SYNRG: variants seen among roughly 807,000 people sequenced by gnomAD.
SYNRG encodes the protein synergin gamma.
SYNRG carries 37 observed loss-of-function variants against 130.9 expected under a neutral mutation model. The ratio of observed to expected loss-of-function variants is 0.28; its 90% confidence interval spans 0.22 to 0.37. SYNRG has a LOEUF of 0.37. SYNRG is among the 10% of genes least tolerant of loss of function. SYNRG has a pLI of 1.00. For missense variants in SYNRG, 1,338 were observed against 1,588.9 expected (o/e 0.84, Z 2.68); for synonymous variants, 539 against 568.1 (o/e 0.95, Z 0.73).
At chr17:37,541,867 A>G in intron 15 of SYNRG, 105 bp downstream of exon 15, 1 of 1,090,690 alleles carries the variant, frequency 9.2e-7, no homozygotes, top group Non-Finnish European at 1.3e-6. Context: ...GATTAGAACA[A>G]TCTATTTCCT....
chr17:37,519,875 C>T (rs1232045146), intron 21 of SYNRG, among the ~76,000 whole-genome samples: 1 of 152,198 alleles, frequency 6.6e-6, no homozygotes, highest in African/African-American at 2.4e-5. Flanking sequence ...CTTTGATCTC[C>T]ATCTGTGTGT....
chr17:37,546,799 T>C (rs2058315013), intron 14 of SYNRG, among the ~76,000 whole-genome samples: 2 of 152,190 alleles, frequency 1.3e-5, no homozygotes, highest in African/African-American at 4.8e-5. Flanking sequence ...GCAATAAAAA[T>C]GTTCATTGGA....
rs770373485 is a variant in SYNRG at position 37,536,068 on chromosome 17, C to T, written c.3577G>A (p.Val1193Met). The change falls in exon 19 of 22, where the codon GTG (valine) becomes ATG (methionine). Residue 1193 changes from valine (V) to methionine (M), a missense_variant. Coordinates refer to ENST00000612223, the MANE Select transcript of SYNRG (RefSeq NM_007247.6). Reference protein sequence around the residue: ...RVELGIKATAVCSEKLQQLLK... With the variant: ...RVELGIKATAMCSEKLQQLLK... ...AACTGCTGGAGTTTCTCACTGCACA[C>T]TGCAGTGGCTTTTATCCCCAGCTCC... 1 of 1,614,060 alleles carries T rather than the reference C, an allele frequency of 6.2e-7. No individual in the cohort carries two copies. The highest frequency in any genetic ancestry group is 1.1e-5 in the South Asian group (1 of 91,084).
intron 6 of SYNRG, among the ~76,000 whole-genome samples, chr17:37,579,752 T>G (rs950185506): frequency 1.3e-5 from 2 of 152,220 alleles, no homozygotes; most frequent in East Asian, 3.8e-4. Flanking sequence ...TCACCTAGGC[T>G]ACAGTGCTGT....
chr17:37,538,998 T>C, intron 17 of SYNRG, 194 bp downstream of exon 17: 1 of 962,048 alleles, frequency 1.0e-6, no homozygotes, highest in Non-Finnish European at 1.2e-6. Flanking sequence ...GACTGACACA[T>C]GAGCCGGTCT....
At chr17:37,589,846 A>C (rs1022354177) in intron 3 of SYNRG, among the ~76,000 whole-genome samples, 1 of 151,542 alleles carries the variant, frequency 6.6e-6, no homozygotes, top group African/African-American at 2.4e-5. Flanking sequence ...ACTGATTCTA[A>C]AGAACAATTC....
chr17:37,597,815 A>G (rs1478018364), intron 2 of SYNRG, among the ~76,000 whole-genome samples: 1 of 152,354 alleles, frequency 6.6e-6, no homozygotes, highest in East Asian at 1.9e-4. Flanking sequence ...AAATCCCTAC[A>G]TAGTCTGAGC....
chr17:37,551,061 G>T (rs1168393467), intron 14 of SYNRG, among the ~76,000 whole-genome samples: 1 of 152,198 alleles, frequency 6.6e-6, no homozygotes, highest in African/African-American at 2.4e-5. Flanking sequence ...CCCCTTCAGA[G>T]TTAAGTTAGG....
intron 11 of SYNRG, among the ~76,000 whole-genome samples, chr17:37,563,155 A>C (rs2059669738): frequency 6.6e-6 from 1 of 152,242 alleles, no homozygotes; most frequent in African/African-American, 2.4e-5. Flanking sequence ...TTATTTTAAA[A>C]AACCACTGTA....
chr17:37,586,761 C>T (rs2146522693), intron 3 of SYNRG, among the ~76,000 whole-genome samples: 1 of 152,158 alleles, frequency 6.6e-6, no homozygotes, highest in South Asian at 2.1e-4. Context: ...GGAAGGCTCC[C>T]CTTAATATCT....
At chr17:37,523,046 T>G (rs1159819264) in intron 19 of SYNRG, among the ~76,000 whole-genome samples, 1 of 152,336 alleles carries the variant, frequency 6.6e-6, no homozygotes, top group African/African-American at 2.4e-5. Context: ...TGCCCTGTGA[T>G]AGACATAAAT....
chr17:37,580,508 T>TGAGAGAGAGAGAGAGAGAGAGAGAGAGA (rs1470548930), intron 6 of SYNRG, among the ~76,000 whole-genome samples: 4 of 133,706 alleles, frequency 3.0e-5, no homozygotes, highest in African/African-American at 9.7e-5. Flanking sequence ...TGTGTGTGTG[T>TGAGAGAGAGAGAGAGAGAGAGAGAGAGA]GTGAGAGAGA....
intron 13 of SYNRG, among the ~76,000 whole-genome samples, chr17:37,560,672 T>C (rs1449585637): frequency 2.0e-5 from 3 of 149,916 alleles, no homozygotes; most frequent in African/African-American, 2.5e-5. Flanking sequence ...AATAGCTATT[T>C]TTTTTTTTTT....
chr17:37,550,186 G>A (rs2058604900), intron 14 of SYNRG, among the ~76,000 whole-genome samples: 1 of 151,954 alleles, frequency 6.6e-6, no homozygotes, highest in South Asian at 2.1e-4. Context: ...AATAAAATAT[G>A]ATCAGTTTCT....
At chr17:37,585,776 T>C (rs559543926) in intron 4 of SYNRG, among the ~76,000 whole-genome samples, 75 of 152,234 alleles carry the variant, frequency 4.9e-4, no homozygotes, top group Non-Finnish European at 7.4e-5. Flanking sequence ...AGAACCTGCT[T>C]GGGAAGGCAG....
intron 2 of SYNRG, among the ~76,000 whole-genome samples, chr17:37,596,944 C>T (rs747526531): frequency 3.3e-5 from 5 of 152,062 alleles, no homozygotes; most frequent in Non-Finnish European, 7.4e-5. Context: ...GATGGGGTTT[C>T]GCCATCTTGG....
At position 37,561,467 on chromosome 17, in the gene SYNRG, T is replaced by C; in HGVS notation, c.1600+4A>G. On this transcript the variant is annotated splice_donor_region_variant and intron_variant, in intron 12 of 21. Coordinates refer to ENST00000612223, the MANE Select transcript of SYNRG (RefSeq NM_007247.6). The stretch of plus-strand genomic sequence containing the variant: ...ACAAGTTTATGAATTTACCAACTTT[T>C]TACCTCCAGGTGGAACAGTATTTTC... 6.2e-7 allele frequency: 1 copy of C among 1,610,510 alleles called. No homozygotes were observed. The highest frequency in any genetic ancestry group is 8.5e-7 in the Non-Finnish European group (1 of 1,176,948).
Position 37,541,032 on chromosome 17 carries a change from T to C in SYNRG, c.3203-489A>G, listed in dbSNP as rs1038146064. On this transcript the variant is annotated intron_variant, in intron 15 of 21. Transcript: ENST00000612223. ...GCTACATGTTAAATCTTTTCTACTGTTCTCTCTTGCACGGTTTCCCTGCGT... is the reference window on the plus strand; with the variant it reads ...GCTACATGTTAAATCTTTTCTACTGCTCTCTCTTGCACGGTTTCCCTGCGT... 1.0e-5 allele frequency: 10 copies of C among 986,658 alleles called. No individual in the cohort carries two copies. The African/African-American group carries it at 1.7e-4, about 17-fold the overall frequency. 61.1% of individuals were successfully genotyped at this position (986,658 alleles called of 1,614,324 possible).
At position 37,608,720 on chromosome 17, in the gene SYNRG, A is replaced by G. The variant is rs554505435; in HGVS notation, c.77+559T>C. Among the ~76,000 whole-genome samples the G allele has an allele frequency of 3.3e-5, 5 of 152,322 alleles. No homozygotes were observed. The South Asian group carries it at 1.0e-3, about 32-fold the overall frequency. On this transcript the variant is annotated intron_variant, in intron 1 of 21. Coordinates refer to ENST00000612223, the MANE Select transcript of SYNRG (RefSeq NM_007247.6). ...AAGACAAGAACTCTATCTCAAGACCATTACTAATTCAGAGGTCTTTAGATG... is the reference window on the plus strand; with the variant it reads ...AAGACAAGAACTCTATCTCAAGACCGTTACTAATTCAGAGGTCTTTAGATG...
Sources: gnomAD v4.1 joint callset for allele counts (sites outside exome capture counted in the v4.1 genomes callset) on GRCh38, gnomAD v4.1.1 for gene constraint, MANE v1.5 for transcripts, NCBI Gene and HGNC (gene_info 2026-07-23, HGNC 2026-07-21) for gene names.